The following TIPIN variants were observed in gnomAD, a reference collection of about 807,000 sequenced individuals.
TIPIN encodes the protein TIMELESS interacting protein.
Under a neutral mutation model 35.6 loss-of-function variants are expected in TIPIN, and 29 were observed. The observed-to-expected ratio is 0.82, with a 90% CI of 0.61 to 1.11. TIPIN has a LOEUF of 1.11. TIPIN is among the 50% of genes most tolerant of loss of function. The pLI, the probability that TIPIN is intolerant of heterozygous loss-of-function variation, is 0.00. For synonymous variants in TIPIN, 102 were observed against 121.5 expected (o/e 0.84, Z 1.06); for missense variants, 296 against 345.4 (o/e 0.86, Z 1.13).
At chr15:66,383,027 C>T (rs2093323601) in intron 1 of TIPIN, 3 of 984,470 alleles carry the variant, frequency 3.0e-6, no homozygotes, top group Non-Finnish European at 3.6e-6. Flanking sequence ...TTTATCTGGG[C>T]TTCTTGGATC....
At chr15:66,382,708 G>A (rs2093322649) in intron 1 of TIPIN, 1 of 159,422 alleles carries the variant, frequency 6.3e-6, no homozygotes, top group African/African-American at 2.4e-5. Flanking sequence ...CTTCACATTT[G>A]TGATCTAGCT....
chr15:66,352,004 TAA>T, intron 3 of TIPIN, 123 bp downstream of exon 3: 2 of 754,740 alleles, frequency 2.6e-6, no homozygotes, highest in Non-Finnish European at 4.2e-6. Context: ...TCTGCTGAAC[TAA>T]AAAAAAGTTT....
intron 6 of TIPIN, among the ~76,000 whole-genome samples, chr15:66,343,611 T>G (rs1364516686): frequency 6.6e-6 from 1 of 151,972 alleles, no homozygotes; most frequent in African/African-American, 2.4e-5. Context: ...AAAACAAAAA[T>G]GTAGGAAGAA....
intron 6 of TIPIN, among the ~76,000 whole-genome samples, chr15:66,342,427 G>A (rs779395880): frequency 1.3e-5 from 2 of 151,990 alleles, no homozygotes; most frequent in African/African-American, 2.4e-5. Flanking sequence ...GCAATGGTTC[G>A]ATCTTGGCTC....
chr15:66,369,830 CTTA>C (rs1409348885), intron 1 of TIPIN, among the ~76,000 whole-genome samples: 1 of 152,174 alleles, frequency 6.6e-6, no homozygotes, highest in Non-Finnish European at 1.5e-5. Context: ...CCCACATCCT[CTTA>C]TTATCATAGT....
chr15:66,374,283 C>G (rs571717588), intron 1 of TIPIN, among the ~76,000 whole-genome samples: 7 of 144,962 alleles, frequency 4.8e-5, no homozygotes, highest in African/African-American at 2.0e-4. Context: ...GCATTAGGTA[C>G]TTACACTGCG....
At chr15:66,375,992 T>G (rs755846117) in intron 1 of TIPIN, among the ~76,000 whole-genome samples, 1 of 151,998 alleles carries the variant, frequency 6.6e-6, no homozygotes, top group Non-Finnish European at 1.5e-5. Flanking sequence ...TCCTAGCTAT[T>G]GGGGAGGCTA....
chr15:66,381,806 G>A (rs2093319470), intron 1 of TIPIN, among the ~76,000 whole-genome samples: 1 of 152,204 alleles, frequency 6.6e-6, no homozygotes, highest in South Asian at 2.1e-4. Flanking sequence ...GCTCACACCT[G>A]TAATCCCACC....
rs147988167 is a variant in TIPIN at position 66,374,873 on chromosome 15, C to G, written c.-9+11734G>C. ...CTGGGATTACAGGTGTGAGCCACTGCGCCTGGCCAACTTTTTTGTAGAGAC... is the reference window on the plus strand; with the variant it reads ...CTGGGATTACAGGTGTGAGCCACTGGGCCTGGCCAACTTTTTTGTAGAGAC... On this transcript the variant is annotated intron_variant, in intron 1 of 7. Coordinates refer to the TIPIN transcript ENST00000562124. Among the ~76,000 whole-genome samples the G allele has an allele frequency of 1.5e-3, 224 of 152,098 alleles. 1 individual carries two copies. The highest frequency in any genetic ancestry group is 5.1e-3 in the African/African-American group (210 of 41,494).
rs62627335 is a variant in TIPIN at position 66,338,204 on chromosome 15, C to T, written c.683-1023G>A. ...CTAGGAGGCGGAGGTTGCAGTGGGC[C>T]GAGATCAGCAACTGCACTCCAGCCT... On this transcript the variant is annotated intron_variant, in intron 7 of 7. Transcript: ENST00000261881. Among the ~76,000 whole-genome samples the T allele has an allele frequency of 7.9e-3, 1,179 of 149,014 alleles. 14 individuals carry two copies. Among genetic ancestry groups the T allele is most frequent in the Middle Eastern group, 0.013 (3 of 240 alleles).
chr15:66,381,447 A>T (rs10468034), intron 1 of TIPIN, among the ~76,000 whole-genome samples: 149,650 of 151,704 alleles, frequency 0.99, 73,839 homozygotes, highest in South Asian at 1. Context: ...GGAAAAAATT[A>T]AAAAAAAAGA....
chr15:66,384,316 A>G (rs2093328810), intron 1 of TIPIN, among the ~76,000 whole-genome samples: 1 of 148,840 alleles, frequency 6.7e-6, no homozygotes, highest in African/African-American at 2.5e-5. Context: ...TATTTTTGAG[A>G]CAGAGTCTTG....
intron 1 of TIPIN, among the ~76,000 whole-genome samples, chr15:66,372,720 A>G (rs904837810): frequency 5.9e-5 from 9 of 152,138 alleles, no homozygotes; most frequent in African/African-American, 1.7e-4. Flanking sequence ...CCCGGCCAAC[A>G]TGGTGAACTC....
intron 2 of TIPIN, 114 bp from the exon 3 acceptor site, chr15:66,352,321 C>T (rs1595798692): frequency 1.3e-6 from 1 of 782,038 alleles, no homozygotes; most frequent in East Asian, 2.9e-5. Flanking sequence ...TTTTTTGAAA[C>T]AGGGTCTCAC....
chr15:66,384,532 G>A (rs1407552204), intron 1 of TIPIN, among the ~76,000 whole-genome samples: 1 of 152,038 alleles, frequency 6.6e-6, no homozygotes, highest in Non-Finnish European at 1.5e-5. Flanking sequence ...GACCTCAAGT[G>A]ATCTTCCAGC....
chr15:66,358,247 G>C (rs1223124827), upstream of TIPIN, among the ~76,000 whole-genome samples: 1 of 152,124 alleles, frequency 6.6e-6, no homozygotes. Context: ...TGGCATATGG[G>C]ATAGAGTGGG....
At chr15:66,348,206 C>G (rs968533502) in intron 6 of TIPIN, 1 of 151,784 alleles carries the variant, frequency 6.6e-6, no homozygotes, top group South Asian at 2.1e-4. Context: ...GGGTCTCACT[C>G]GGTTGCCCGG....
chr15:66,359,004 C>G (rs115701797), upstream of TIPIN, among the ~76,000 whole-genome samples: 1 of 150,666 alleles, frequency 6.6e-6, no homozygotes, highest in Non-Finnish European at 1.5e-5. Context: ...GATCACACCA[C>G]GGCACTCCAG....
chr15:66,375,235 T>C (rs1249680915), intron 1 of TIPIN, among the ~76,000 whole-genome samples: 1 of 152,078 alleles, frequency 6.6e-6, no homozygotes, highest in Admixed American at 6.6e-5. Context: ...ACTATGATTG[T>C]GCTTGTGAAT....
Sources: gnomAD v4.1 joint callset for allele counts (sites outside exome capture counted in the v4.1 genomes callset) on GRCh38, gnomAD v4.1.1 for gene constraint, MANE v1.5 for transcripts, NCBI Gene and HGNC (gene_info 2026-07-23, HGNC 2026-07-21) for gene names.